The following COL9A1 variants were observed in gnomAD, a reference collection of about 807,000 sequenced individuals.
COL9A1 encodes the protein collagen type IX alpha 1 chain, also known as collagen alpha-1(IX) chain.
In COL9A1, 104 loss-of-function variants were observed where a neutral mutation model predicts 142.6. That is an observed-to-expected ratio of 0.73 (90% confidence interval 0.62 to 0.86). COL9A1 has a LOEUF of 0.86. Ranked by LOEUF, COL9A1 falls within the 40% of genes least tolerant of loss-of-function variation. COL9A1 has a pLI of 0.00. For missense variants in COL9A1, 1,210 were observed against 1,176.6 expected (o/e 1.03, Z -0.42); for synonymous variants, 466 against 396.0 (o/e 1.18, Z -2.10).
In COL9A1 at chr6:70,280,856, C is replaced by G. The variant is rs1224166914; in HGVS notation, c.931G>C (p.Gly311Arg). 6.2e-7 allele frequency: 1 copy of G among 1,613,326 alleles called. No homozygotes were observed. The highest frequency in any genetic ancestry group is 8.5e-7 in the Non-Finnish European group (1 of 1,179,876). The change falls in exon 10 of 38, where the codon GGA becomes CGA. Residue 311 changes from glycine to arginine, a missense_variant. Physicochemically the swap from Gly to Arg is moderately radical, Grantham distance 125 (BLOSUM62 -2). Transcript: ENST00000357250. ...GGCTTGCCTGGAGCTCCTGGCTTTCCCGGTTCACCTGCAGGACCCTGAGCA... is the reference window on the plus strand; with the variant it reads ...GGCTTGCCTGGAGCTCCTGGCTTTCGCGGTTCACCTGCAGGACCCTGAGCA... ...PGPPGPAGEP[G>R]KPGAPGKPGT...
At position 70,285,843 on chromosome 6, in the gene COL9A1, A is replaced by T. The variant is rs140198918; in HGVS notation, c.697-2023T>A. On this transcript the variant is annotated intron_variant, in intron 5 of 37. Coordinates refer to ENST00000357250, the MANE Select transcript of COL9A1 (RefSeq NM_001851.6). ...AGTGTGTGAATGTAAGGTTCCTCAC[A>T]TCTGCCCAGATTTAGGATTATTCAA... 2.0e-3 allele frequency among the ~76,000 whole-genome samples: 310 copies of T among 152,298 alleles called. 2 individuals carry two copies. Among genetic ancestry groups the T allele is most frequent in the African/African-American group, 7.3e-3 (303 of 41,570 alleles).
Position 70,241,447 on chromosome 6 carries a change from A to C in COL9A1, c.2006T>G (p.Val669Gly), listed in dbSNP as rs1231559197. 6 of 1,609,900 alleles carry C rather than the reference A, an allele frequency of 3.7e-6. No homozygotes were observed. The East Asian group carries it at 6.7e-5, about 18-fold the overall frequency. The change falls in exon 31 of 38, where the codon GTC becomes GGC. Residue 669 changes from valine (V) to glycine (G), a missense_variant. By Grantham distance (109) the Val-to-Gly change is moderately radical (BLOSUM62 -3). Coordinates refer to ENST00000357250, the MANE Select transcript of COL9A1 (RefSeq NM_001851.6). ...TTCACCCTTTGGACCCGGTTCACCG[A>C]CTACACCCTGTAATAAATAAAATAT... ...LPGMKGDRGV[V>G]GEPGPKGEQG...
At chr6:70,238,365 G>C (rs1180605978) in intron 33 of COL9A1, among the ~76,000 whole-genome samples, 1 of 152,138 alleles carries the variant, frequency 6.6e-6, no homozygotes, top group Non-Finnish European at 1.5e-5. Flanking sequence ...AGTCATCTCA[G>C]GTTTCCTACT....
intron 20 of COL9A1, among the ~76,000 whole-genome samples, chr6:70,259,722 G>T (rs1472739549): frequency 6.6e-6 from 1 of 152,030 alleles, no homozygotes; most frequent in Non-Finnish European, 1.5e-5. Flanking sequence ...TCTTTTGCTT[G>T]CATTGTAGTT....
chr6:70,294,973 A>G (rs904652837), intron 4 of COL9A1, among the ~76,000 whole-genome samples: 5 of 152,232 alleles, frequency 3.3e-5, no homozygotes, highest in African/African-American at 1.2e-4. Flanking sequence ...AATCAGCTGT[A>G]CTAGCTTATG....
chr6:70,254,353 G>A, intron 25 of COL9A1, 123 bp downstream of exon 25: 2 of 806,772 alleles, frequency 2.5e-6, no homozygotes. Context: ...TTGTAAAAAT[G>A]TAAAAGTAAA....
At chr6:70,296,157 C>T (rs1020279599) in intron 4 of COL9A1, among the ~76,000 whole-genome samples, 1 of 152,120 alleles carries the variant, frequency 6.6e-6, no homozygotes, top group Admixed American at 6.5e-5. Context: ...AGTCAACTAT[C>T]TCAACAAATT....
intron 20 of COL9A1, 62 bp from the exon 21 acceptor site, chr6:70,256,883 C>G: frequency 1.3e-6 from 2 of 1,500,928 alleles, no homozygotes. Context: ...AAGGAAGCAT[C>G]CATCTTTCTA....
chr6:70,239,333 G>A, intron 32 of COL9A1, 47 bp from the exon 33 acceptor site: 1 of 1,264,234 alleles, frequency 7.9e-7, no homozygotes, highest in East Asian at 2.3e-5. Context: ...ATTCACATTT[G>A]ATAATTTCCT....
rs755801158 is a variant in COL9A1 at position 70,280,034 on chromosome 6, T to C, written c.975+778A>G. ...TGGTCTGTAGTGGGTCATTATTACATATTGTTAGAATGCATGGAAAGAGGA... is the reference window on the plus strand; with the variant it reads ...TGGTCTGTAGTGGGTCATTATTACACATTGTTAGAATGCATGGAAAGAGGA... On this transcript the variant is annotated intron_variant, in intron 10 of 37. Coordinates refer to ENST00000357250, the MANE Select transcript of COL9A1 (RefSeq NM_001851.6). 18 of 691,534 alleles carry C rather than the reference T, an allele frequency of 2.6e-5. No individual in the cohort carries two copies. The South Asian group carries it at 2.9e-4, about 11-fold the overall frequency. 42.8% of individuals were successfully genotyped at this position (691,534 alleles called of 1,614,324 possible).
chr6:70,302,868 C>G, intron 1 of COL9A1, 43 bp downstream of exon 1: 2 of 1,610,006 alleles, frequency 1.2e-6, no homozygotes, highest in African/African-American at 2.7e-5. Flanking sequence ...TGAGGACCCC[C>G]AGCTCCATCT....
intron 28 of COL9A1, among the ~76,000 whole-genome samples, chr6:70,243,454 A>G (rs1770395481): frequency 6.6e-6 from 1 of 152,232 alleles, no homozygotes; most frequent in African/African-American, 2.4e-5. Flanking sequence ...AGAAAAAGAA[A>G]CACATGAACT....
Position 70,234,952 on chromosome 6 carries a change from T to C in COL9A1, c.2113-12A>G, listed in dbSNP as rs184749864. ...CCAGGATTACCTGCCTGGAACACAA[T>C]TGCACACTATCAAACCAGGGCTAAG... is the stretch of plus-strand genomic sequence containing the variant. On this transcript the variant is annotated splice_polypyrimidine_tract_variant and intron_variant, in intron 33 of 37. Coordinates refer to ENST00000357250, the MANE Select transcript of COL9A1 (RefSeq NM_001851.6). 4 of 1,614,112 alleles carry C rather than the reference T, an allele frequency of 2.5e-6. No individual in the cohort carries two copies. The highest frequency in any genetic ancestry group is 3.4e-6 in the Non-Finnish European group (4 of 1,180,020).
chr6:70,230,188 G>T (rs1160258551), intron 36 of COL9A1, among the ~76,000 whole-genome samples: 1 of 152,136 alleles, frequency 6.6e-6, no homozygotes, highest in Non-Finnish European at 1.5e-5. Flanking sequence ...TAACCCCTTG[G>T]ATATTACAAA....
At chr6:70,299,386 A>G (rs1257685033) in intron 4 of COL9A1, among the ~76,000 whole-genome samples, 1 of 152,154 alleles carries the variant, frequency 6.6e-6, no homozygotes, top group East Asian at 1.9e-4. Context: ...TCATAATCAT[A>G]AATAAGGTAT....
chr6:70,256,570 T>C (rs1369511080), intron 21 of COL9A1, among the ~76,000 whole-genome samples, 198 bp downstream of exon 21: 3 of 151,862 alleles, frequency 2.0e-5, no homozygotes, highest in African/African-American at 7.3e-5. Context: ...AAGAAAAAAA[T>C]CATGTCAAGT....
intron 28 of COL9A1, among the ~76,000 whole-genome samples, chr6:70,251,497 C>T (rs185937058): frequency 7.2e-5 from 11 of 152,308 alleles, no homozygotes; most frequent in South Asian, 2.1e-4. Context: ...CTGTGAGCTA[C>T]GATTGCGCCA....
intron 5 of COL9A1, among the ~76,000 whole-genome samples, chr6:70,293,272 C>T (rs1773720947): frequency 1.3e-5 from 2 of 152,172 alleles, no homozygotes; most frequent in Admixed American, 1.3e-4. Context: ...CAAAAGAACA[C>T]TTGTCCTCTA....
chr6:70,287,350 C>CT (rs1201402572), intron 5 of COL9A1, among the ~76,000 whole-genome samples: 5 of 151,882 alleles, frequency 3.3e-5, no homozygotes, highest in Non-Finnish European at 7.4e-5. Context: ...CATTGAAAGA[C>CT]TTTTTTTGCA....
Sources: allele counts gnomAD v4.1 joint callset (sites outside exome capture counted in the v4.1 genomes callset), GRCh38; gene constraint gnomAD v4.1.1; transcripts MANE v1.5; gene names NCBI Gene and HGNC (gene_info 2026-07-23, HGNC 2026-07-21).